UNC5D: variants seen among roughly 807,000 people sequenced by gnomAD.
The protein encoded by UNC5D is unc-5 netrin receptor D, also known as netrin receptor UNC5D.
In UNC5D, 39 loss-of-function variants were observed where a neutral mutation model predicts 105.4. The ratio of observed to expected loss-of-function variants is 0.37; its 90% CI spans 0.29 to 0.48. UNC5D has a LOEUF of 0.48. UNC5D is among the 20% of genes least tolerant of loss of function. The pLI is 0.98. For synonymous variants in UNC5D, 452 were observed against 450.4 expected, an observed-to-expected ratio of 1.00 and a Z score of -0.04; for missense variants, 991 against 1,202.4, an observed-to-expected ratio of 0.82 and a Z score of 2.60.
chr8:35,600,342 G>A (rs147504570), intron 4 of UNC5D, among the ~76,000 whole-genome samples: 1 of 152,128 alleles, frequency 6.6e-6, no homozygotes, highest in South Asian at 2.1e-4. Context: ...TGGTTGAAAT[G>A]GTATTTCTAG....
At chr8:35,774,922 C>T (rs1306653428) in intron 16 of UNC5D, among the ~76,000 whole-genome samples, 2 of 110,896 alleles carry the variant, frequency 1.8e-5, no homozygotes, top group African/African-American at 2.4e-4. Flanking sequence ...GTAAGACCCT[C>T]CTCCAAAAAA....
chr8:35,383,882 C>T (rs1803197508), intron 1 of UNC5D, among the ~76,000 whole-genome samples: 1 of 152,012 alleles, frequency 6.6e-6, no homozygotes, highest in Non-Finnish European at 1.5e-5. Flanking sequence ...AATTTGGGAC[C>T]AGCCTGGGTG....
rs753134683 is a variant in UNC5D, at chr8:35,766,898, G to A, written c.2314-4G>A. ...ACCATCCCTTCTCTCCGTCTCCCCT[G>A]CAGGAAGTCCCGTTCTCCCGCGTGT... On this transcript the variant is annotated splice_polypyrimidine_tract_variant and splice_region_variant and intron_variant, in intron 14 of 16. Coordinates refer to ENST00000404895, the MANE Select transcript of UNC5D (RefSeq NM_080872.4). 6.2e-7 allele frequency: 1 copy of A among 1,610,212 alleles called. No individual in the cohort carries two copies. The highest frequency in any genetic ancestry group is 8.5e-7 in the Non-Finnish European group (1 of 1,177,814).
intron 1 of UNC5D, among the ~76,000 whole-genome samples, chr8:35,335,827 G>C (rs1400421703): frequency 7.6e-6 from 1 of 131,572 alleles, no homozygotes; most frequent in Admixed American, 9.4e-5. Flanking sequence ...GCAGTGGCAC[G>C]ATCTCGACTC....
chr8:35,487,593 A>ACACACACACACACACACACACACAC (rs1415748793), intron 1 of UNC5D, among the ~76,000 whole-genome samples: 1 of 150,472 alleles, frequency 6.6e-6, no homozygotes, highest in African/African-American at 2.5e-5. Flanking sequence ...ACACACACAC[A>ACACACACACACACACACACACACAC]CCCCACAGAC....
chr8:35,333,960 A>G (rs186114690), intron 1 of UNC5D, among the ~76,000 whole-genome samples: 23 of 152,324 alleles, frequency 1.5e-4, no homozygotes, highest in Non-Finnish European at 2.4e-4. Context: ...TAAGTACTCT[A>G]AGTGAATAAA....
chr8:35,442,510 A>T (rs1807473591), intron 1 of UNC5D, among the ~76,000 whole-genome samples: 1 of 151,912 alleles, frequency 6.6e-6, no homozygotes, highest in Admixed American at 6.6e-5. Context: ...GGTAACCAGA[A>T]TCTTCCGAAA....
At chr8:35,263,997 C>T (rs1563260580) in intron 1 of UNC5D, among the ~76,000 whole-genome samples, 2 of 152,150 alleles carry the variant, frequency 1.3e-5, no homozygotes, top group Non-Finnish European at 2.9e-5. Flanking sequence ...TTATTTAATA[C>T]ATTTCTTAGA....
At chr8:35,339,336 A>T (rs1811283267) in intron 1 of UNC5D, among the ~76,000 whole-genome samples, 1 of 152,216 alleles carries the variant, frequency 6.6e-6, no homozygotes, top group Non-Finnish European at 1.5e-5. Flanking sequence ...AATAAGTCCT[A>T]TATGATGGGA....
At chr8:35,308,116 ATG>A (rs34132311) in intron 1 of UNC5D, among the ~76,000 whole-genome samples, 11,686 of 105,584 alleles carry the variant, frequency 0.11, 509 homozygotes, top group Non-Finnish European at 0.13. Flanking sequence ...GTCACAATGT[ATG>A]TGTGTGTGTG....
intron 4 of UNC5D, among the ~76,000 whole-genome samples, chr8:35,604,782 A>C (rs1051028948): frequency 1.3e-5 from 2 of 151,868 alleles, no homozygotes; most frequent in East Asian, 1.9e-4. Flanking sequence ...TTCATGATTC[A>C]TTTCATTCAT....
intron 12 of UNC5D, among the ~76,000 whole-genome samples, chr8:35,750,250 GCCTCAGACCCGACCTGA>G (rs1830206481): frequency 6.6e-6 from 1 of 151,898 alleles, no homozygotes; most frequent in African/African-American, 2.4e-5. Flanking sequence ...TGATTCTCCT[GCCTCAGACCCGACCTGA>G]CCCCTTCCCC....
chr8:35,690,203 G>T (rs1342781012), intron 7 of UNC5D, among the ~76,000 whole-genome samples: 4 of 152,188 alleles, frequency 2.6e-5, no homozygotes, highest in African/African-American at 9.7e-5. Context: ...GAAGGAGAAA[G>T]GGTGAAGTCT....
At chr8:35,239,759 C>G (rs899388469) in intron 1 of UNC5D, among the ~76,000 whole-genome samples, 1 of 152,106 alleles carries the variant, frequency 6.6e-6, no homozygotes, top group Non-Finnish European at 1.5e-5. Context: ...CCTTCCTCCT[C>G]CTTCTGATAC....
chr8:35,285,314 C>G lies in UNC5D; in HGVS notation c.103+49427C>G, dbSNP rs183367702. 3.5e-3 allele frequency among the ~76,000 whole-genome samples: 527 copies of G among 152,300 alleles called. 4 individuals are homozygous for G. The highest frequency in any genetic ancestry group is 0.012 in the African/African-American group (504 of 41,572). The stretch of plus-strand genomic sequence containing the variant: ...TTCGGGCAAACACCTTTCCCTGGGT[C>G]TCCCTAGGAGAATTATGCCATTCAT... On this transcript the variant is annotated intron_variant, in intron 1 of 16. Transcript: ENST00000404895.
At chr8:35,691,905 C>T (rs578010005) in intron 7 of UNC5D, among the ~76,000 whole-genome samples, 1 of 152,244 alleles carries the variant, frequency 6.6e-6, no homozygotes, top group South Asian at 2.1e-4. Context: ...AGATATAAAA[C>T]TAAGGGCATT....
chr8:35,304,128 T>G (rs981208475), intron 1 of UNC5D, among the ~76,000 whole-genome samples: 1 of 152,080 alleles, frequency 6.6e-6, no homozygotes, highest in African/African-American at 2.4e-5. Flanking sequence ...TTTTTTTTCC[T>G]TAAGTGTCAC....
At chr8:35,783,301 G>A (rs1337959602) in intron 16 of UNC5D, among the ~76,000 whole-genome samples, 1 of 152,144 alleles carries the variant, frequency 6.6e-6, no homozygotes, top group Non-Finnish European at 1.5e-5. Context: ...GCATGAACCT[G>A]GGTTGAAGTG....
chr8:35,431,090 T>G (rs932182262), intron 1 of UNC5D, among the ~76,000 whole-genome samples: 1 of 152,236 alleles, frequency 6.6e-6, no homozygotes, highest in African/African-American at 2.4e-5. Flanking sequence ...AATAATTATA[T>G]GTTAACCAAT....
Sources: allele counts gnomAD v4.1 joint callset (sites outside exome capture counted in the v4.1 genomes callset), GRCh38; gene constraint gnomAD v4.1.1; transcripts MANE v1.5; gene names NCBI Gene and HGNC (gene_info 2026-07-23, HGNC 2026-07-21).